PIKFYVE: variants seen among roughly 807,000 people sequenced by gnomAD.
PIKFYVE encodes the protein phosphoinositide kinase, FYVE-type zinc finger containing, also known as 1-phosphatidylinositol 3-phosphate 5-kinase.
A neutral mutation model predicts 257.9 loss-of-function variants in PIKFYVE; 122 were observed. The ratio of observed to expected loss-of-function variants is 0.47; its 90% confidence interval spans 0.41 to 0.55. PIKFYVE has a LOEUF of 0.55. PIKFYVE is among the 20% of genes least tolerant of loss of function. The probability of loss-of-function intolerance (pLI) is 0.00; values close to 1 mark genes in which losing one functional copy is unlikely to be tolerated. For synonymous variants in PIKFYVE, 892 were observed against 868.9 expected (o/e 1.03, Z -0.47); for missense variants, 2,160 against 2,536.6 (o/e 0.85, Z 3.19).
At chr2:208,313,723 C>T (rs1192515893) in intron 13 of PIKFYVE, among the ~76,000 whole-genome samples, 1 of 151,884 alleles carries the variant, frequency 6.6e-6, no homozygotes, top group Non-Finnish European at 1.5e-5. Flanking sequence ...GCTGGGATTA[C>T]AGGCGTGTGC....
rs764260618 is a variant in PIKFYVE at position 208,345,174 on chromosome 2, A to C, written c.5091A>C (p.Glu1697Asp). Residue 1697 changes from glutamate to aspartate, a missense_variant, in exon 33 of 42, where the codon GAA (glutamate) becomes GAC (aspartate). By Grantham distance (45) the Glu-to-Asp change is conservative. This residue lies in a region of PIKFYVE where 699 missense variants were observed against 855.8 expected (regional missense o/e 0.82). Coordinates refer to ENST00000264380, the MANE Select transcript of PIKFYVE (RefSeq NM_015040.4). ...AAGCGACTCAGTGGAACAGTGCCGA[A>C]GAAGGGCTTCCAACAAATAGGTGAT... ...LSKATQWNSAEEGLPTNSTSD... is the reference protein window; with the variant it reads ...LSKATQWNSADEGLPTNSTSD... The C allele has an allele frequency of 6.2e-7, 1 of 1,612,088 alleles. No homozygotes were observed. The highest frequency in any genetic ancestry group is 8.5e-7 in the Non-Finnish European group (1 of 1,178,284).
intron 33 of PIKFYVE, among the ~76,000 whole-genome samples, chr2:208,345,793 G>A (rs900720585): frequency 2.6e-5 from 4 of 152,096 alleles, no homozygotes; most frequent in Non-Finnish European, 5.9e-5. Context: ...TAGTGTTAAT[G>A]GACTTGGGAA....
intron 40 of PIKFYVE, 114 bp downstream of exon 40, chr2:208,354,273 T>G (rs1264408584): frequency 7.4e-7 from 1 of 1,357,542 alleles, no homozygotes; most frequent in Admixed American, 2.2e-5. Flanking sequence ...CAAACTTTCA[T>G]TTGAAATTTC....
At chr2:208,298,323 T>G (rs1232810331) in intron 7 of PIKFYVE, among the ~76,000 whole-genome samples, 1 of 152,236 alleles carries the variant, frequency 6.6e-6, no homozygotes, top group Non-Finnish European at 1.5e-5. Context: ...ATATTACTGA[T>G]ATATGAACTA....
Position 208,330,599 on chromosome 2 carries a change from G to A in PIKFYVE, c.3868G>A (p.Gly1290Ser). 1 of 1,614,184 alleles carries A rather than the reference G, an allele frequency of 6.2e-7. No homozygotes were observed. The highest frequency in any genetic ancestry group is 1.1e-5 in the South Asian group (1 of 91,076). ...TATTCGGCGCTTTGTTCATGGCCAAGGCTGTGTGCAGATAATCCTGAAGGA... is the reference window on the plus strand; with the variant it reads ...TATTCGGCGCTTTGTTCATGGCCAAAGCTGTGTGCAGATAATCCTGAAGGA... ...HHIRRFVHGQ[G>S]CVQIILKELD... is the part of the protein sequence containing the mutation. The change falls in exon 23 of 42, where the codon GGC (glycine) becomes AGC (serine). Residue 1290 changes from glycine to serine, a missense_variant. By Grantham distance (56) the Gly-to-Ser change is moderately conservative (BLOSUM62 0). This residue lies in a region of PIKFYVE where 55 missense variants were observed against 103.0 expected (regional missense o/e 0.53). Coordinates refer to ENST00000264380, the MANE Select transcript of PIKFYVE (RefSeq NM_015040.4).
At chr2:208,323,962 T>G (rs573568068) in intron 17 of PIKFYVE, among the ~76,000 whole-genome samples, 180 bp from the exon 18 acceptor site, 18 of 151,994 alleles carry the variant, frequency 1.2e-4, no homozygotes, top group African/African-American at 4.3e-4. Context: ...GGGTTGTTTG[T>G]TTTTTTCTTG....
intron 13 of PIKFYVE, among the ~76,000 whole-genome samples, chr2:208,313,378 T>G (rs369511572): frequency 1.3e-5 from 2 of 152,288 alleles, no homozygotes; most frequent in Admixed American, 6.5e-5. Flanking sequence ...TGAGTCTGTC[T>G]TGCTAAAATT....
intron 8 of PIKFYVE, among the ~76,000 whole-genome samples, chr2:208,299,064 T>A (rs1693351744): frequency 6.6e-6 from 1 of 152,040 alleles, no homozygotes; most frequent in Admixed American, 6.6e-5. Context: ...GGTCTCAAAC[T>A]CCTGACCTCA....
At position 208,320,250 on chromosome 2, in the gene PIKFYVE, A is replaced by T; in HGVS notation, c.2083-2A>T. The T allele has an allele frequency of 6.2e-7, 1 of 1,610,046 alleles. No homozygotes were observed. The highest frequency in any genetic ancestry group is 8.5e-7 in the Non-Finnish European group (1 of 1,177,752). On this transcript the variant is annotated splice_acceptor_variant, in intron 16 of 41. Coordinates refer to ENST00000264380, the MANE Select transcript of PIKFYVE (RefSeq NM_015040.4). LOFTEE classifies it high-confidence loss of function. ...CTTTAACAAACTGTTCATTTTTTGT[A>T]GATGAGTTCTTGTATTAAAAACCCC... is the stretch of plus-strand genomic sequence containing the variant.
intron 17 of PIKFYVE, among the ~76,000 whole-genome samples, chr2:208,323,634 G>A (rs1394953259): frequency 5.9e-5 from 9 of 152,154 alleles, no homozygotes; most frequent in South Asian, 2.1e-4. Flanking sequence ...CCAGTAATGG[G>A]ATGGCTGGGT....
At position 208,298,724 on chromosome 2, in the gene PIKFYVE, C is replaced by T. The variant is rs1239060990; in HGVS notation, c.995C>T (p.Ala332Val). 4 of 1,614,040 alleles carry T rather than the reference C, an allele frequency of 2.5e-6. No homozygotes were observed. The highest frequency in any genetic ancestry group is 3.4e-6 in the Non-Finnish European group (4 of 1,180,010). The change falls in exon 8 of 42, where the codon GCT becomes GTT. Residue 332 changes from alanine to valine, a missense_variant. Physicochemically the swap from Ala to Val is moderately conservative, Grantham distance 64. Transcript: ENST00000264380. ...TATGAGACATCTGTCAGTCCCCAGG[C>T]TAACCGAACATATGTTAGGACAGAG... Reference protein sequence around the residue: ...PSYETSVSPQANRTYVRTETT... With the variant: ...PSYETSVSPQVNRTYVRTETT...
intron 15 of PIKFYVE, among the ~76,000 whole-genome samples, chr2:208,317,662 A>G (rs1695701990): frequency 6.6e-6 from 1 of 152,202 alleles, no homozygotes; most frequent in Non-Finnish European, 1.5e-5. Flanking sequence ...AGGGTAGTAC[A>G]TTAGAGAACA....
At chr2:208,342,822 T>C (rs1698838841) in intron 32 of PIKFYVE, among the ~76,000 whole-genome samples, 173 bp downstream of exon 32, 1 of 125,048 alleles carries the variant, frequency 8.0e-6, no homozygotes, top group Non-Finnish European at 1.6e-5. Context: ...TGAGACAGAA[T>C]GTCACTCTGT....
intron 20 of PIKFYVE, among the ~76,000 whole-genome samples, chr2:208,327,940 A>G (rs1328718267): frequency 6.6e-6 from 1 of 152,222 alleles, no homozygotes; most frequent in Non-Finnish European, 1.5e-5. Context: ...AGAGTAAGTT[A>G]AGAAAACAAG....
rs61752185 is a variant in PIKFYVE at position 208,314,367 on chromosome 2, C to T, written c.1770C>T (p.Asn590=). The change falls in exon 14 of 42, where the codon AAC becomes AAT. Residue 590 remains asparagine, a synonymous_variant. Coordinates refer to ENST00000264380, the MANE Select transcript of PIKFYVE (RefSeq NM_015040.4). Reference sequence around the variant, plus strand: ...TCACACCTTTGGGCTGGCATCATAACAACCTGGAGCTCCTGAGGGAGGAGA... The same window carrying T: ...TCACACCTTTGGGCTGGCATCATAATAACCTGGAGCTCCTGAGGGAGGAGA... The part of the protein sequence containing the change: ...LPFTPLGWHH[N]NLELLREENG... 2.1e-3 allele frequency: 3,442 copies of T among 1,613,980 alleles called. 8 individuals carry two copies. Among genetic ancestry groups the T allele is most frequent in the Non-Finnish European group, 2.6e-3 (3,039 of 1,179,926 alleles).
chr2:208,297,628 C>T (rs1384405608), intron 7 of PIKFYVE, among the ~76,000 whole-genome samples: 2 of 152,100 alleles, frequency 1.3e-5, no homozygotes, highest in Non-Finnish European at 2.9e-5. Context: ...GCTAGTAATA[C>T]ATATTCCATA....
chr2:208,330,475 A>G (rs1159686261), intron 22 of PIKFYVE, 48 bp from the exon 23 acceptor site: 6 of 1,609,686 alleles, frequency 3.7e-6, no homozygotes, highest in African/African-American at 1.3e-5. Flanking sequence ...AGTGGTTCTG[A>G]TTTCTGTTTC....
rs1390541211 is a variant in PIKFYVE, at chr2:208,357,231, G to C, written c.*1926G>C. On this transcript the variant is annotated 3_prime_UTR_variant, in exon 42 of 42. Coordinates refer to ENST00000264380, the MANE Select transcript of PIKFYVE (RefSeq NM_015040.4). ...ACTTACTTTGTGTCTAGGAACAATG[G>C]ATTTTGTATCTGATTTAAAATGCCA... 1 of 152,164 alleles carries C rather than the reference G, an allele frequency of 6.6e-6. No homozygotes were observed. Among genetic ancestry groups the C allele is most frequent in the African/African-American group, 2.4e-5 (1 of 41,438 alleles). 9.4% of individuals were successfully genotyped at this position (152,164 alleles called of 1,614,324 possible).
intron 3 of PIKFYVE, 193 bp downstream of exon 3, chr2:208,273,926 G>A (rs1456889111): frequency 1.4e-6 from 2 of 1,463,080 alleles, no homozygotes; most frequent in African/African-American, 1.4e-5. Context: ...ATTGACACCT[G>A]AAAAAATTCT....
Sources: gnomAD v4.1 joint callset for allele counts (sites outside exome capture counted in the v4.1 genomes callset) on GRCh38, gnomAD v4.1.1 for gene constraint, gnomAD v4.1.1 regional missense constraint, MANE v1.5 for transcripts, NCBI Gene and HGNC (gene_info 2026-07-23, HGNC 2026-07-21) for gene names.